PCCA: variants seen among roughly 807,000 people sequenced by gnomAD.
PCCA encodes propionyl-CoA carboxylase alpha chain, mitochondrial.
Under a neutral mutation model 101.3 loss-of-function variants are expected in PCCA, and 74 were observed. The ratio of observed to expected loss-of-function variants is 0.73; its 90% CI spans 0.61 to 0.89. The LOEUF is 0.89. PCCA is among the 40% of genes least tolerant of loss of function. The pLI, the probability that PCCA is intolerant of heterozygous loss-of-function variation, is 0.00. For synonymous variants in PCCA, 294 were observed against 313.6 expected, an observed-to-expected ratio of 0.94 and a Z score of 0.66; for missense variants, 891 against 907.0, an observed-to-expected ratio of 0.98 and a Z score of 0.23.
At chr13:100,270,847 A>G (rs866870141) in intron 11 of PCCA, among the ~76,000 whole-genome samples, 24 of 152,018 alleles carry the variant, frequency 1.6e-4, no homozygotes, top group Non-Finnish European at 2.5e-4. Flanking sequence ...CATCTTCACA[A>G]AAAAGTAAAA....
At position 100,163,964 on chromosome 13, in the gene PCCA, C is replaced by A. The variant is rs548876917; in HGVS notation, c.468+6624C>A. Among the ~76,000 whole-genome samples, 22 of 152,234 alleles carry A rather than the reference C, an allele frequency of 1.4e-4. No homozygotes were observed. The South Asian group carries it at 4.2e-3, about 29-fold the overall frequency. On this transcript the variant is annotated intron_variant, in intron 6 of 23. Coordinates refer to ENST00000376285, the MANE Select transcript of PCCA (RefSeq NM_000282.4). Reference sequence around the variant, plus strand: ...AGTTAGAGCTAATATGATACCATTTCAAGTAAAATGTAGAAATTTTGCGAT... The same window carrying A: ...AGTTAGAGCTAATATGATACCATTTAAAGTAAAATGTAGAAATTTTGCGAT...
chr13:100,091,868 A>G (rs1425127992), intron 1 of PCCA, among the ~76,000 whole-genome samples: 2 of 152,056 alleles, frequency 1.3e-5, no homozygotes, highest in Non-Finnish European at 2.9e-5. Context: ...TGTTGGTTTT[A>G]TGGTAATTGC....
rs2069406306 is a variant in PCCA at position 100,330,596 on chromosome 13, A to G, written c.1465A>G (p.Ile489Val). 2.5e-6 allele frequency: 4 copies of G among 1,611,788 alleles called. No homozygotes were observed. Among genetic ancestry groups the G allele is most frequent in the Non-Finnish European group, 3.4e-6 (4 of 1,178,132 alleles). Residue 489 changes from isoleucine (I) to valine (V), a missense_variant, in exon 17 of 24, where the codon ATA becomes GTA. Ile to Val is a conservative substitution (Grantham distance 29, BLOSUM62 3). Transcript: ENST00000376285. ...TAATATTGCATTACTTCGAGAGGTG[A>G]TAATCAACTCACGCTTTGTAAAAGG... ...THNIALLREV[I>V]INSRFVKGDI...
At chr13:100,404,269 G>T (rs2077540351) in intron 19 of PCCA, among the ~76,000 whole-genome samples, 1 of 152,198 alleles carries the variant, frequency 6.6e-6, no homozygotes, top group South Asian at 2.1e-4. Context: ...AGCCCGACTG[G>T]TCAGGAAAAC....
chr13:100,490,457 A>G (rs1357072351), intron 21 of PCCA: 2 of 152,240 alleles, frequency 1.3e-5, no homozygotes, highest in African/African-American at 4.8e-5. Context: ...GTTCCTGTTT[A>G]GAAGAACATG....
intron 18 of PCCA, among the ~76,000 whole-genome samples, chr13:100,346,489 G>T (rs9513752): frequency 0.46 from 70,564 of 152,004 alleles, 16,470 homozygotes; most frequent in Middle Eastern, 0.54. Context: ...GATGAGCAAA[G>T]AAATTTTGCT....
chr13:100,427,135 T>G (rs1217270136), intron 20 of PCCA, among the ~76,000 whole-genome samples: 1 of 152,160 alleles, frequency 6.6e-6, no homozygotes, highest in Non-Finnish European at 1.5e-5. Flanking sequence ...GAGAATCACT[T>G]GAATCTGGGA....
chr13:100,304,149 C>A (rs548037214), intron 14 of PCCA, among the ~76,000 whole-genome samples: 5 of 152,372 alleles, frequency 3.3e-5, no homozygotes, highest in African/African-American at 1.2e-4. Context: ...ATACCCCCTA[C>A]AGTCTTCATC....
chr13:100,291,395 AT>A (rs752260855), intron 12 of PCCA, among the ~76,000 whole-genome samples: 16 of 152,240 alleles, frequency 1.1e-4, no homozygotes, highest in Non-Finnish European at 2.1e-4. Flanking sequence ...CCTGGGACCA[AT>A]CCCCTGGGGA....
chr13:100,370,913 T>C (rs1226141259), intron 19 of PCCA, among the ~76,000 whole-genome samples: 1 of 152,132 alleles, frequency 6.6e-6, no homozygotes, highest in Non-Finnish European at 1.5e-5. Flanking sequence ...GGTTAATGAC[T>C]CTGGAGATAG....
chr13:100,349,340 T>C (rs1337633380), intron 18 of PCCA, among the ~76,000 whole-genome samples: 1 of 152,236 alleles, frequency 6.6e-6, no homozygotes, highest in Non-Finnish European at 1.5e-5. Flanking sequence ...TTGGTCAGGC[T>C]GGTCTCGAAC....
chr13:100,440,631 A>C (rs1294696338), intron 20 of PCCA, among the ~76,000 whole-genome samples: 2 of 152,078 alleles, frequency 1.3e-5, no homozygotes, highest in Admixed American at 1.3e-4. Context: ...TAATTGTCTT[A>C]TGTTTTCAGT....
intron 4 of PCCA, among the ~76,000 whole-genome samples, chr13:100,116,612 C>G (rs1014127892): frequency 2.0e-5 from 3 of 151,964 alleles, no homozygotes; most frequent in Non-Finnish European, 4.4e-5. Flanking sequence ...CCAATTACCC[C>G]CCTTCCCCAA....
intron 19 of PCCA, among the ~76,000 whole-genome samples, chr13:100,395,860 A>G (rs2077020583): frequency 6.6e-6 from 1 of 152,220 alleles, no homozygotes; most frequent in Non-Finnish European, 1.5e-5. Flanking sequence ...TGAAGTTAAT[A>G]AGTAACAAAT....
At chr13:100,337,340 C>G (rs949803597) in intron 17 of PCCA, among the ~76,000 whole-genome samples, 1 of 152,130 alleles carries the variant, frequency 6.6e-6, no homozygotes, top group African/African-American at 2.4e-5. Context: ...GTGTCTGACT[C>G]AACACCAAGC....
At chr13:100,458,440 TACACACACACACAC>T (rs777836240) in intron 21 of PCCA, among the ~76,000 whole-genome samples, 4,658 of 118,738 alleles carry the variant, frequency 0.039, 83 homozygotes, top group East Asian at 0.061. Context: ...CACACACACA[TACACACACACACAC>T]ACACACACAC....
chr13:100,166,456 G>A (rs2152405595), intron 6 of PCCA, among the ~76,000 whole-genome samples: 1 of 152,228 alleles, frequency 6.6e-6, no homozygotes, highest in Non-Finnish European at 1.5e-5. Context: ...GCACCACCAT[G>A]CCCAGCTAAT....
At chr13:100,519,778 C>T (rs999348627) in intron 22 of PCCA, among the ~76,000 whole-genome samples, 1 of 152,256 alleles carries the variant, frequency 6.6e-6, no homozygotes, top group African/African-American at 2.4e-5. Context: ...TTCATAAGCT[C>T]TCACGTATCC....
At chr13:100,173,258 G>T (rs1369678866) in intron 6 of PCCA, among the ~76,000 whole-genome samples, 3 of 152,192 alleles carry the variant, frequency 2.0e-5, no homozygotes, top group Non-Finnish European at 4.4e-5. Context: ...TGCTGGTTCT[G>T]GTTGAGTTGG....
Sources: allele counts gnomAD v4.1 joint callset (sites outside exome capture counted in the v4.1 genomes callset), GRCh38; gene constraint gnomAD v4.1.1; transcripts MANE v1.5; gene names NCBI Gene and HGNC (gene_info 2026-07-23, HGNC 2026-07-21).